The following LRP1B variants were observed in gnomAD, a reference collection of about 807,000 sequenced individuals.
LRP1B encodes low-density lipoprotein receptor-related protein 1B.
In LRP1B, 217 loss-of-function variants were observed where a neutral mutation model predicts 556.6. The ratio of observed to expected loss-of-function variants is 0.39; its 90% CI spans 0.35 to 0.44. The LOEUF (loss-of-function observed/expected upper bound fraction) is 0.44, where lower values mean the gene tolerates loss of function less well. LRP1B is among the 20% of genes least tolerant of loss of function. The pLI is 1.00. For missense variants in LRP1B, 5,053 were observed against 5,620.8 expected, an observed-to-expected ratio of 0.90 and a Z score of 3.23; for synonymous variants, 2,047 against 1,865.8, an observed-to-expected ratio of 1.10 and a Z score of -2.50.
At chr2:140,732,996 T>C (rs955136939) in intron 35 of LRP1B, among the ~76,000 whole-genome samples, 3 of 152,176 alleles carry the variant, frequency 2.0e-5, no homozygotes, top group African/African-American at 7.2e-5. Context: ...TCTCTCTGTG[T>C]GTACTTGTGT....
chr2:141,833,428 G>A (rs1342517988), intron 1 of LRP1B, among the ~76,000 whole-genome samples: 1 of 151,628 alleles, frequency 6.6e-6, no homozygotes, highest in African/African-American at 2.4e-5. Flanking sequence ...ATGTACTTGG[G>A]GCTCATGAGG....
At chr2:141,856,185 C>T (rs1698044372) in intron 1 of LRP1B, among the ~76,000 whole-genome samples, 1 of 152,064 alleles carries the variant, frequency 6.6e-6, no homozygotes, top group African/African-American at 2.4e-5. Flanking sequence ...CAAATATATA[C>T]CAAGCCTCCC....
chr2:141,287,954 A>G (rs139216907), intron 3 of LRP1B, among the ~76,000 whole-genome samples: 1,602 of 152,238 alleles, frequency 0.011, 14 homozygotes, highest in Non-Finnish European at 0.011. Context: ...TCCATCTCAC[A>G]TATGTATATA....
In LRP1B at chr2:141,624,036, C is replaced by CAAAAAAAAAAAAAAAAA; in HGVS notation, c.206-143504_206-143503insTTTTTTTTTTTTTTTTT. 2.9e-3 allele frequency among the ~76,000 whole-genome samples: 259 copies of CAAAAAAAAAAAAAAAAA among 90,532 alleles called. 1 individual carries two copies. Among genetic ancestry groups the CAAAAAAAAAAAAAAAAA allele is most frequent in the Non-Finnish European group, 4.0e-3 (189 of 47,600 alleles). 59.4% of individuals were successfully genotyped at this position (90,532 alleles called of 152,430 possible). ...AACTCAAAAAAAAAAAAAAATTAAACAAAAAAAAAAAGAAAAGAAAAAAAA... is the reference window on the plus strand; with the variant it reads ...AACTCAAAAAAAAAAAAAAATTAAACAAAAAAAAAAAAAAAAAAAAAAAAAAAAGAAAAGAAAAAAAA... On this transcript the variant is annotated intron_variant, in intron 2 of 90. Coordinates refer to ENST00000389484, the MANE Select transcript of LRP1B (RefSeq NM_018557.3).
At chr2:141,742,688 T>C (rs1288616109) in intron 2 of LRP1B, among the ~76,000 whole-genome samples, 1 of 152,202 alleles carries the variant, frequency 6.6e-6, no homozygotes, top group Non-Finnish European at 1.5e-5. Flanking sequence ...ATTGATTGAA[T>C]CTGTAGATTG....
At chr2:140,769,114 C>T (rs2104933826) in intron 35 of LRP1B, 99 bp downstream of exon 35, 1 of 1,099,408 alleles carries the variant, frequency 9.1e-7, no homozygotes, top group Non-Finnish European at 1.3e-6. Flanking sequence ...TATTTCTCAT[C>T]TTGACTATTA....
intron 11 of LRP1B, among the ~76,000 whole-genome samples, chr2:141,047,697 C>G (rs537949480): frequency 1.6e-4 from 25 of 152,164 alleles, no homozygotes; most frequent in African/African-American, 5.3e-4. Flanking sequence ...ATTTTAGTGC[C>G]TTTCACTTTC....
intron 6 of LRP1B, among the ~76,000 whole-genome samples, chr2:141,190,814 A>T (rs1447652168): frequency 2.6e-5 from 4 of 151,984 alleles, no homozygotes; most frequent in African/African-American, 7.2e-5. Flanking sequence ...TGAACAGTCT[A>T]CTCCACAATA....
chr2:140,717,252 C>T (rs1263764987), intron 35 of LRP1B, among the ~76,000 whole-genome samples: 1 of 151,934 alleles, frequency 6.6e-6, no homozygotes, highest in Non-Finnish European at 1.5e-5. Flanking sequence ...CTCAACAAAA[C>T]CTCAAAGTAG....
chr2:140,937,296 G>T (rs1353557020), intron 20 of LRP1B, among the ~76,000 whole-genome samples: 1 of 152,074 alleles, frequency 6.6e-6, no homozygotes, highest in Non-Finnish European at 1.5e-5. Context: ...ATATGCTACA[G>T]TATGGAAGAA....
At chr2:140,314,867 A>C (rs191741688) in intron 83 of LRP1B, 68 bp downstream of exon 83, 1 of 1,134,472 alleles carries the variant, frequency 8.8e-7, no homozygotes, top group African/African-American at 1.6e-5. Flanking sequence ...TGTAACATTA[A>C]GCATTTTCGA....
chr2:141,459,634 A>T (rs544503743), intron 3 of LRP1B, among the ~76,000 whole-genome samples: 3 of 152,056 alleles, frequency 2.0e-5, no homozygotes, highest in Non-Finnish European at 4.4e-5. Flanking sequence ...TTTCCATGCT[A>T]TTCTGGTGAC....
intron 16 of LRP1B, 147 bp downstream of exon 16, chr2:140,993,848 C>T: frequency 1.4e-6 from 1 of 738,690 alleles, no homozygotes; most frequent in Non-Finnish European, 2.2e-6. Flanking sequence ...CTATGGTCTA[C>T]TCTTTATGCA....
intron 49 of LRP1B, among the ~76,000 whole-genome samples, chr2:140,523,607 A>C (rs531840759): frequency 1.6e-4 from 25 of 151,984 alleles, no homozygotes; most frequent in African/African-American, 6.0e-4. Context: ...ATTTCTCTTC[A>C]CTGACATCAT....
At chr2:140,814,920 G>T (rs902351949) in intron 31 of LRP1B, among the ~76,000 whole-genome samples, 1 of 152,040 alleles carries the variant, frequency 6.6e-6, no homozygotes, top group East Asian at 1.9e-4. Context: ...CTTTTTGTTT[G>T]CTAAAGGTCC....
chr2:141,712,410 T>C (rs1030812540), intron 2 of LRP1B, among the ~76,000 whole-genome samples: 1 of 152,096 alleles, frequency 6.6e-6, no homozygotes, highest in Non-Finnish European at 1.5e-5. Context: ...CAGACCTAGT[T>C]ATTAATTATA....
At chr2:140,355,181 T>TA (rs1682153753) in intron 75 of LRP1B, among the ~76,000 whole-genome samples, 1 of 151,772 alleles carries the variant, frequency 6.6e-6, no homozygotes, top group South Asian at 2.1e-4. Flanking sequence ...ACTTTAATAA[T>TA]ATAATTTCTA....
At chr2:140,834,123 G>A (rs933046073) in intron 31 of LRP1B, among the ~76,000 whole-genome samples, 2 of 152,120 alleles carry the variant, frequency 1.3e-5, no homozygotes, top group African/African-American at 2.4e-5. Context: ...TCTTTTTGCT[G>A]TTCTAACCAG....
chr2:140,810,344 C>A (rs1224257505), intron 32 of LRP1B, among the ~76,000 whole-genome samples: 1 of 152,130 alleles, frequency 6.6e-6, no homozygotes, highest in Non-Finnish European at 1.5e-5. Flanking sequence ...CTTCATAGTA[C>A]AATGACTTGT....
Sources: allele counts gnomAD v4.1 joint callset (sites outside exome capture counted in the v4.1 genomes callset), GRCh38; gene constraint gnomAD v4.1.1; transcripts MANE v1.5; gene names NCBI Gene and HGNC (gene_info 2026-07-23, HGNC 2026-07-21).